Variants in CCDC88C observed in about 807,000 individuals in gnomAD.
CCDC88C encodes protein Daple.
A neutral mutation model predicts 198.8 loss-of-function variants in CCDC88C; 131 were observed. The observed-to-expected ratio is 0.66, with a 90% CI of 0.57 to 0.76. CCDC88C has a LOEUF of 0.76. CCDC88C is among the 30% of genes least tolerant of loss of function. The pLI is 0.00. For missense variants in CCDC88C, 2,553 were observed against 2,631.6 expected, an observed-to-expected ratio of 0.97 and a Z score of 0.65; for synonymous variants, 1,166 against 1,114.7, an observed-to-expected ratio of 1.05 and a Z score of -0.92.
In CCDC88C at chr14:91,278,005, G is replaced by A. The variant is rs150512553; in HGVS notation, c.4975C>T (p.Arg1659Trp). ...RGTAPPYVGV[R>W]PCSASPSSEM... ...CTGCTGGGGGAGGCCGAGCAGGGCC[G>A]CACTCCGACGTAGGGAGGGGCTGTG... Residue 1659 changes from arginine to tryptophan, a missense_variant, in exon 29 of 30, where the codon CGG becomes TGG. Physicochemically the swap from Arg to Trp is moderately radical, Grantham distance 101. Around this residue, in one of 2 missense-constraint regions of CCDC88C, gnomAD observed 1,293 missense variants for 1,219.6 expected, o/e 1.06. Coordinates refer to ENST00000389857, the MANE Select transcript of CCDC88C (RefSeq NM_001080414.4). The A allele has an allele frequency of 2.6e-5, 41 of 1,582,152 alleles. No individual in the cohort carries two copies. Among genetic ancestry groups the A allele is most frequent in the Non-Finnish European group, 3.3e-5 (38 of 1,163,226 alleles).
intron 15 of CCDC88C, among the ~76,000 whole-genome samples, chr14:91,311,239 A>T (rs1891809636): frequency 6.6e-6 from 1 of 152,222 alleles, no homozygotes. Context: ...ATCGTAGCAC[A>T]GCCTAACTAA....
At chr14:91,395,907 C>T (rs1233785491) in intron 3 of CCDC88C, among the ~76,000 whole-genome samples, 1 of 152,184 alleles carries the variant, frequency 6.6e-6, no homozygotes, top group Non-Finnish European at 1.5e-5. Context: ...ATCTCTGCCT[C>T]CCCCCTAAAT....
At chr14:91,320,024 CAAAAAAAAA>C (rs61102058) in intron 13 of CCDC88C, among the ~76,000 whole-genome samples, 2 of 24,156 alleles carry the variant, frequency 8.3e-5, no homozygotes, top group East Asian at 1.3e-3. Flanking sequence ...AACTCAGTCT[CAAAAAAAAA>C]AAAAAAAAAA....
At chr14:91,401,350 T>TC (rs1886192045) in intron 3 of CCDC88C, among the ~76,000 whole-genome samples, 1 of 119,950 alleles carries the variant, frequency 8.3e-6, no homozygotes, top group Admixed American at 9.0e-5. Flanking sequence ...ATATATATTT[T>TC]TTGAGACGGA....
At chr14:91,411,508 A>G (rs567667514) in intron 2 of CCDC88C, among the ~76,000 whole-genome samples, 1 of 152,330 alleles carries the variant, frequency 6.6e-6, no homozygotes, top group African/African-American at 2.4e-5. Context: ...AATCATCTTT[A>G]TATGATAGTC....
At chr14:91,366,733 G>A (rs1187065560) in intron 3 of CCDC88C, among the ~76,000 whole-genome samples, 1 of 152,176 alleles carries the variant, frequency 6.6e-6, no homozygotes, top group African/African-American at 2.4e-5. Flanking sequence ...AGCACCCAAG[G>A]GGTCTGTAAC....
chr14:91,273,612 G>C lies in CCDC88C; in HGVS notation c.5100C>G (p.Phe1700Leu). Residue 1700 changes from phenylalanine to leucine, a missense_variant, in exon 30 of 30, where the codon TTC becomes TTG. By Grantham distance (22) the Phe-to-Leu change is conservative. Coordinates refer to ENST00000389857, the MANE Select transcript of CCDC88C (RefSeq NM_001080414.4). The surrounding 1 kb of genome is among the most constrained non-coding windows in gnomAD (Gnocchi z 5.6). ...SCRDDLLSDY[F>L]RKASDPPAIG... ...TGGCTGGGGGATCGCTGGCCTTTCG[G>C]AAGTAGTCACTCAGCAGGTCATCCC... The C allele has an allele frequency of 6.7e-7, 1 of 1,492,886 alleles. No homozygotes were observed. The highest frequency in any genetic ancestry group is 1.4e-5 in the South Asian group (1 of 70,552). The allele number at this position is 1,492,886 out of a possible 1,614,324, so 92.5% of individuals were successfully genotyped here.
rs1893181295 is a variant in CCDC88C at position 91,338,959 on chromosome 14, A to G, written c.809+319T>C. On this transcript the variant is annotated intron_variant, in intron 8 of 29. Transcript: ENST00000389857. The surrounding 1 kb of genome is among the most constrained non-coding windows in gnomAD (Gnocchi z 4.8). ...GGGGCACCTCATCCCTCCAGCCAAGAAAACACATCAGGTGTGGTCGTCCCG... is the reference window on the plus strand; with the variant it reads ...GGGGCACCTCATCCCTCCAGCCAAGGAAACACATCAGGTGTGGTCGTCCCG... 1 of 495,610 alleles carries G rather than the reference A, an allele frequency of 2.0e-6. No individual in the cohort carries two copies. The highest frequency in any genetic ancestry group is 3.7e-6 in the Non-Finnish European group (1 of 270,440). The allele number at this position is 495,610 out of a possible 1,614,324, so 30.7% of individuals were successfully genotyped here. A position where few individuals can be genotyped will look rare whatever the true frequency, so the allele number is the denominator to read the frequency against.
intron 10 of CCDC88C, among the ~76,000 whole-genome samples, chr14:91,331,732 C>G (rs1223479214): frequency 6.6e-6 from 1 of 152,154 alleles, no homozygotes; most frequent in Non-Finnish European, 1.5e-5. Flanking sequence ...CAGGTGCACC[C>G]CAGAATAAGC....
chr14:91,349,637 G>C (rs899598306), intron 4 of CCDC88C, among the ~76,000 whole-genome samples: 5 of 152,186 alleles, frequency 3.3e-5, no homozygotes, highest in Non-Finnish European at 4.4e-5. Context: ...AGGACGGCCT[G>C]AGTCAATAGC....
chr14:91,392,863 T>A (rs1334037977), intron 3 of CCDC88C, among the ~76,000 whole-genome samples: 1 of 151,582 alleles, frequency 6.6e-6, no homozygotes, highest in Non-Finnish European at 1.5e-5. Flanking sequence ...CCTGAGTGAG[T>A]CTGCAATGTA....
chr14:91,287,745 C>T (rs151290874), intron 25 of CCDC88C, among the ~76,000 whole-genome samples: 1 of 147,302 alleles, frequency 6.8e-6, no homozygotes, highest in East Asian at 2.0e-4. Context: ...GGTAGCCTGT[C>T]GCTGGTCTTC....
chr14:91,386,672 T>C (rs1409026986), intron 3 of CCDC88C, among the ~76,000 whole-genome samples: 1 of 152,200 alleles, frequency 6.6e-6, no homozygotes, highest in African/African-American at 2.4e-5. Flanking sequence ...TGCCACCTTT[T>C]AGACTTTCCA....
chr14:91,370,772 C>A (rs941680873), intron 3 of CCDC88C, among the ~76,000 whole-genome samples: 1 of 152,140 alleles, frequency 6.6e-6, no homozygotes, highest in Non-Finnish European at 1.5e-5. Flanking sequence ...TGCATACAGA[C>A]CCCAACAGCA....
At chr14:91,285,788 T>C in intron 25 of CCDC88C, 1 of 1,289,116 alleles carries the variant, frequency 7.8e-7, no homozygotes, top group Non-Finnish European at 1.0e-6. Flanking sequence ...AGACTTGTCT[T>C]TGTCCTTGTT....
chr14:91,275,393 C>A (rs1188407141), intron 29 of CCDC88C, among the ~76,000 whole-genome samples: 2 of 151,500 alleles, frequency 1.3e-5, no homozygotes, highest in Non-Finnish European at 2.9e-5. Flanking sequence ...GGGCATATAA[C>A]AAAAAAAGAC....
chr14:91,363,346 G>A (rs1224318112), intron 3 of CCDC88C, among the ~76,000 whole-genome samples: 3 of 150,936 alleles, frequency 2.0e-5, no homozygotes, highest in Non-Finnish European at 2.9e-5. Flanking sequence ...CCTGGACTCA[G>A]GCAATACCCC....
intron 20 of CCDC88C, among the ~76,000 whole-genome samples, chr14:91,300,762 T>C (rs896161457): frequency 9.8e-5 from 15 of 152,316 alleles, no homozygotes; most frequent in East Asian, 1.9e-4. Context: ...TGGCCATCTC[T>C]TGGGGGGCAG....
In CCDC88C at chr14:91,371,956, A is replaced by G. The variant is rs1894824743; in HGVS notation, c.271-12245T>C. ...CCTGCTGGGACCTGTGAGGGTGGGAAAGGCAGGCAGTGGGGGCAGCCAGCC... is the reference window on the plus strand; with the variant it reads ...CCTGCTGGGACCTGTGAGGGTGGGAGAGGCAGGCAGTGGGGGCAGCCAGCC... On this transcript the variant is annotated intron_variant, in intron 3 of 29. Coordinates refer to ENST00000389857, the MANE Select transcript of CCDC88C (RefSeq NM_001080414.4). This position sits in a 1 kb window ranked among gnomAD's most constrained non-coding sequence, Gnocchi z 4.2. Among the ~76,000 whole-genome samples, 1 of 152,140 alleles carries G rather than the reference A, an allele frequency of 6.6e-6. No individual in the cohort carries two copies. The highest frequency in any genetic ancestry group is 2.1e-4 in the South Asian group (1 of 4,830).
Sources: gnomAD v4.1 joint callset for allele counts (sites outside exome capture counted in the v4.1 genomes callset) on GRCh38, gnomAD v4.1.1 for gene constraint, gnomAD v4.1.1 regional missense constraint, Gnocchi (gnomAD v3.1) non-coding constraint, MANE v1.5 for transcripts, NCBI Gene and HGNC (gene_info 2026-07-23, HGNC 2026-07-21) for gene names.